DLGAP2: variants seen among roughly 807,000 people sequenced by gnomAD.
The protein encoded by DLGAP2 is disks large-associated protein 2.
Under a neutral mutation model 100.3 loss-of-function variants are expected in DLGAP2, and 26 were observed. That is an observed-to-expected ratio of 0.26 (90% CI 0.19 to 0.36). The LOEUF is 0.36. Ranked by LOEUF, DLGAP2 falls within the 10% of genes least tolerant of loss-of-function variation. The pLI is 1.00. For synonymous variants in DLGAP2, 886 were observed against 630.1 expected (o/e 1.41, Z -6.08); for missense variants, 1,858 against 1,453.2 (o/e 1.28, Z -4.53).
intron 8 of DLGAP2, among the ~76,000 whole-genome samples, chr8:1,639,517 AT>A (rs1294682364): frequency 6.6e-6 from 1 of 152,202 alleles, no homozygotes. Context: ...CCCTGCACAA[AT>A]TCAGCACAGC....
chr8:968,700 T>C (rs1230314627), intron 2 of DLGAP2, among the ~76,000 whole-genome samples: 1 of 152,198 alleles, frequency 6.6e-6, no homozygotes, highest in African/African-American at 2.4e-5. Context: ...AAAGCCCTTA[T>C]ACATGCACTG....
At chr8:1,542,687 T>C (rs1054873338) in intron 4 of DLGAP2, among the ~76,000 whole-genome samples, 1 of 152,236 alleles carries the variant, frequency 6.6e-6, no homozygotes, top group Admixed American at 6.5e-5. Context: ...CTATGAATGA[T>C]GTCGCTGTAA....
intron 3 of DLGAP2, among the ~76,000 whole-genome samples, chr8:1,430,846 G>A (rs1375736728): frequency 6.6e-6 from 1 of 152,138 alleles, no homozygotes; most frequent in African/African-American, 2.4e-5. Flanking sequence ...ATCAGGAATG[G>A]CACGGCAGCG....
At chr8:1,058,927 G>T (rs1802966193) in intron 2 of DLGAP2, among the ~76,000 whole-genome samples, 2 of 152,216 alleles carry the variant, frequency 1.3e-5, no homozygotes, top group African/African-American at 4.8e-5. Context: ...CAAAACTGGT[G>T]TTAGAAGCTT....
chr8:1,157,238 G>A (rs913141066), intron 2 of DLGAP2, among the ~76,000 whole-genome samples: 3 of 152,024 alleles, frequency 2.0e-5, no homozygotes, highest in Admixed American at 6.5e-5. Context: ...GCATTCACGC[G>A]ATTCCCCAGA....
At chr8:1,446,490 T>C (rs1419772111) in intron 3 of DLGAP2, among the ~76,000 whole-genome samples, 2 of 152,220 alleles carry the variant, frequency 1.3e-5, no homozygotes, top group African/African-American at 4.8e-5. Flanking sequence ...TTTTGGTTAC[T>C]GTTGCCTTGT....
chr8:1,205,075 G>A (rs1376313416), intron 2 of DLGAP2, among the ~76,000 whole-genome samples: 1 of 152,184 alleles, frequency 6.6e-6, no homozygotes, highest in Non-Finnish European at 1.5e-5. Context: ...GAATGTGGTT[G>A]GGTTTCCTGT....
chr8:1,293,344 C>T (rs751531156), intron 3 of DLGAP2, among the ~76,000 whole-genome samples: 2 of 152,158 alleles, frequency 1.3e-5, no homozygotes, highest in Non-Finnish European at 2.9e-5. Context: ...AGCCATGGCT[C>T]CTTCCCTGTG....
At chr8:1,564,009 T>TG (rs749122334) in intron 5 of DLGAP2, among the ~76,000 whole-genome samples, 1 of 152,214 alleles carries the variant, frequency 6.6e-6, no homozygotes, top group Non-Finnish European at 1.5e-5. Context: ...AAACAGCATT[T>TG]GGGGAGATTC....
intron 2 of DLGAP2, among the ~76,000 whole-genome samples, chr8:1,074,908 C>T (rs953300323): frequency 4.6e-5 from 7 of 152,138 alleles, no homozygotes; most frequent in African/African-American, 1.7e-4. Context: ...CCCAGTGAAA[C>T]TCTCCTTGGT....
chr8:1,024,743 G>A (rs369998000), intron 2 of DLGAP2, among the ~76,000 whole-genome samples: 7 of 152,208 alleles, frequency 4.6e-5, no homozygotes, highest in East Asian at 3.9e-4. Context: ...TCACGGTCAC[G>A]TAGGGTCCTC....
intron 1 of DLGAP2, among the ~76,000 whole-genome samples, chr8:816,162 C>T (rs1796472803): frequency 6.6e-6 from 1 of 152,042 alleles, no homozygotes; most frequent in South Asian, 2.1e-4. Flanking sequence ...CTTATTCATT[C>T]TACCATTCTG....
chr8:1,414,333 G>A (rs1404259357), intron 3 of DLGAP2, among the ~76,000 whole-genome samples: 1 of 152,360 alleles, frequency 6.6e-6, no homozygotes, highest in East Asian at 1.9e-4. Flanking sequence ...CAACAAGTCT[G>A]AAGGCTGTAG....
chr8:1,666,015 A>G (rs2130833943), intron 8 of DLGAP2, among the ~76,000 whole-genome samples: 1 of 152,324 alleles, frequency 6.6e-6, no homozygotes, highest in African/African-American at 2.4e-5. Flanking sequence ...AAGTGTTTAA[A>G]CGGACCTCAT....
chr8:1,244,964 G>T (rs1306508359), intron 2 of DLGAP2, among the ~76,000 whole-genome samples: 2 of 152,198 alleles, frequency 1.3e-5, no homozygotes, highest in African/African-American at 4.8e-5. Context: ...GGCATGAACA[G>T]GCAATTCACC....
At chr8:1,503,515 C>G (rs1010408099) in intron 4 of DLGAP2, among the ~76,000 whole-genome samples, 1 of 152,136 alleles carries the variant, frequency 6.6e-6, no homozygotes, top group Non-Finnish European at 1.5e-5. Flanking sequence ...GTTTCCATTC[C>G]TCCGTGGACA....
At chr8:964,962 G>A (rs572518400) in intron 2 of DLGAP2, among the ~76,000 whole-genome samples, 3 of 152,250 alleles carry the variant, frequency 2.0e-5, no homozygotes, top group East Asian at 3.9e-4. Context: ...CGGCTCCTGA[G>A]CCCAACCCCC....
intron 2 of DLGAP2, among the ~76,000 whole-genome samples, chr8:1,170,254 G>T (rs140867826): frequency 0.015 from 2,348 of 152,274 alleles, 57 homozygotes; most frequent in African/African-American, 0.054. Context: ...TGCTGGATAA[G>T]CTTTTTGATG....
intron 2 of DLGAP2, among the ~76,000 whole-genome samples, chr8:1,052,203 C>T (rs573158172): frequency 1.3e-5 from 2 of 152,280 alleles, no homozygotes; most frequent in South Asian, 4.1e-4. Flanking sequence ...TCTGACCACC[C>T]CTTCCCCCCA....
Sources: gnomAD v4.1 joint callset for allele counts (sites outside exome capture counted in the v4.1 genomes callset) on GRCh38, gnomAD v4.1.1 for gene constraint, MANE v1.5 for transcripts, NCBI Gene and HGNC (gene_info 2026-07-23, HGNC 2026-07-21) for gene names.